BRIP1: variants seen among roughly 807,000 people sequenced by gnomAD.
BRIP1 encodes the protein BRCA1 interacting DNA helicase 1.
BRIP1 carries 88 observed loss-of-function variants against 119.7 expected under a neutral mutation model. The observed-to-expected ratio is 0.74, with a 90% CI of 0.62 to 0.88. The LOEUF (loss-of-function observed/expected upper bound fraction) is 0.88. BRIP1 is among the 40% of genes least tolerant of loss of function. The pLI, the probability that BRIP1 is intolerant of heterozygous loss-of-function variation, is 0.00. For missense variants in BRIP1, 1,259 were observed against 1,455.4 expected (o/e 0.87, Z 2.20); for synonymous variants, 443 against 496.5 (o/e 0.89, Z 1.43).
rs564507018 is a variant in BRIP1, at chr17:61,860,176, A to T, written c.94-269T>A. Among the ~76,000 whole-genome samples the T allele has an allele frequency of 6.6e-6, 1 of 152,338 alleles. No homozygotes were observed. The stretch of plus-strand genomic sequence containing the variant: ...ATGCAAGCATCAATGATTTCTGTAA[A>T]ACCAGAATACATTACTACCTATCAA... On this transcript the variant is annotated intron_variant, in intron 2 of 19. Coordinates refer to ENST00000259008, the MANE Select transcript of BRIP1 (RefSeq NM_032043.3). This position sits in a 1 kb window ranked among gnomAD's most constrained non-coding sequence, Gnocchi z 4.1.
In BRIP1 at chr17:61,713,137, T is replaced by C. The variant is rs2061805163; in HGVS notation, c.2492+2814A>G. On this transcript the variant is annotated intron_variant, in intron 17 of 19. Coordinates refer to ENST00000259008, the MANE Select transcript of BRIP1 (RefSeq NM_032043.3). This position sits in a 1 kb window ranked among gnomAD's most constrained non-coding sequence, Gnocchi z 4.9. ...TTATAGCACAATGCATTACAAGTGC[T>C]TGTGGCGATGCTGGTGTAAACAAAC... 6.6e-6 allele frequency among the ~76,000 whole-genome samples: 1 copy of C among 152,178 alleles called. No individual in the cohort carries two copies. Among genetic ancestry groups the C allele is most frequent in the Admixed American group, 6.5e-5 (1 of 15,270 alleles).
rs2077191966 is a variant in BRIP1, at chr17:61,755,713, C to G, written c.2098-11122G>C. Among the ~76,000 whole-genome samples, 1 of 152,152 alleles carries G rather than the reference C, an allele frequency of 6.6e-6. No homozygotes were observed. The highest frequency in any genetic ancestry group is 2.4e-5 in the African/African-American group (1 of 41,434). ...TTCTCTTGGTGAGACTTTGTTCATT[C>G]ATTCCTTCCTCCCTTCCTTTCTTCT... is the stretch of plus-strand genomic sequence containing the variant. On this transcript the variant is annotated intron_variant, in intron 14 of 19. Transcript: ENST00000259008. This position sits in a 1 kb window ranked among gnomAD's most constrained non-coding sequence, Gnocchi z 4.5.
chr17:61,828,652 C>T lies in BRIP1; in HGVS notation c.627+18449G>A, dbSNP rs371018852. ...GCTCTTTAAGCTAATAGAAAAGTTA[C>T]ACAATACAGAAACTTGGACCTACAA... On this transcript the variant is annotated intron_variant, in intron 6 of 19. Transcript: ENST00000259008. The surrounding 1 kb of genome is among the most constrained non-coding windows in gnomAD (Gnocchi z 4.1). 1.3e-5 allele frequency among the ~76,000 whole-genome samples: 2 copies of T among 152,164 alleles called. No homozygotes were observed. The highest frequency in any genetic ancestry group is 3.9e-4 in the East Asian group (2 of 5,182).
At position 61,847,151 on chromosome 17, in the gene BRIP1, C is replaced by T. The variant is rs4988346; in HGVS notation, c.577G>A (p.Val193Ile). The T allele has an allele frequency of 4.0e-3, 6,376 of 1,613,630 alleles. 35 individuals carry two copies. Among genetic ancestry groups the T allele is most frequent in the Middle Eastern group, 9.4e-3 (57 of 6,054 alleles). Residue 193 changes from valine to isoleucine, a missense_variant, in exon 6 of 20, where the codon GTA becomes ATA. Val to Ile is a conservative substitution (Grantham distance 29). Around this residue, in one of 3 missense-constraint regions of BRIP1, gnomAD observed 501 missense variants for 544.0 expected, o/e 0.92. Coordinates refer to ENST00000259008, the MANE Select transcript of BRIP1 (RefSeq NM_032043.3). ...LDAKVDSGKT[V>I]KLNSPLEKIN... ...TTTTCCAGTGGAGAGTTGAGTTTTA[C>T]AGTCTTTCCTGAATCAACTTTTGCA...
At chr17:61,858,225 T>G (rs1446775314) in intron 3 of BRIP1, among the ~76,000 whole-genome samples, 1 of 152,156 alleles carries the variant, frequency 6.6e-6, no homozygotes, top group Non-Finnish European at 1.5e-5. Context: ...TTGACATTGT[T>G]TTCCCATTTG....
chr17:61,704,506 G>A lies in BRIP1; in HGVS notation c.2493-10994C>T, dbSNP rs2061662377. Among the ~76,000 whole-genome samples the A allele has an allele frequency of 1.3e-5, 2 of 151,846 alleles. No individual in the cohort carries two copies. Among genetic ancestry groups the A allele is most frequent in the African/African-American group, 4.8e-5 (2 of 41,352 alleles). ...TTGGCCTCATAAAATAAATTGAGAA[G>A]GATTACATCTTCTATTTTTTAGAAG... On this transcript the variant is annotated intron_variant, in intron 17 of 19. Transcript: ENST00000259008. The surrounding 1 kb of genome is among the most constrained non-coding windows in gnomAD (Gnocchi z 5.7).
At position 61,824,503 on chromosome 17, in the gene BRIP1, A is replaced by C. The variant is rs1603352622; in HGVS notation, c.628-15746T>G. The stretch of plus-strand genomic sequence containing the variant: ...AACAGAATAGAAATTCCAAAAGCAA[A>C]CCCCCACATATATGGTCAAATAATT... On this transcript the variant is annotated intron_variant, in intron 6 of 19. Transcript: ENST00000259008. This position sits in a 1 kb window ranked among gnomAD's most constrained non-coding sequence, Gnocchi z 4.3. 6.6e-6 allele frequency among the ~76,000 whole-genome samples: 1 copy of C among 152,078 alleles called. No individual in the cohort carries two copies. Among genetic ancestry groups the C allele is most frequent in the African/African-American group, 2.4e-5 (1 of 41,416 alleles).
rs771367982 is a variant in BRIP1 at position 61,727,798 on chromosome 17, A to C, written c.2380-11735T>G. 1.1e-3 allele frequency among the ~76,000 whole-genome samples: 172 copies of C among 150,152 alleles called. 1 individual carries two copies. The highest frequency in any genetic ancestry group is 3.0e-3 in the South Asian group (14 of 4,700). On this transcript the variant is annotated intron_variant, in intron 16 of 19. Transcript: ENST00000259008. ...TCTCTCTCTCTCTCTCTCTATATATATATATATAATCTTTCAAACATGAGC... is the reference window on the plus strand; with the variant it reads ...TCTCTCTCTCTCTCTCTCTATATATCTATATATAATCTTTCAAACATGAGC...
At position 61,693,923 on chromosome 17, in the gene BRIP1, A is replaced by G. The variant is rs529495590; in HGVS notation, c.2493-411T>C. On this transcript the variant is annotated intron_variant, in intron 17 of 19. Transcript: ENST00000259008. The surrounding 1 kb of genome is among the most constrained non-coding windows in gnomAD (Gnocchi z 4.2). ...TTTGTCAAAAATATTCTAAAATTCA[A>G]TTGACATAACATGTAGTTTTTCTTC... 4.3e-4 allele frequency among the ~76,000 whole-genome samples: 66 copies of G among 152,250 alleles called. No homozygotes were observed. Among genetic ancestry groups the G allele is most frequent in the African/African-American group, 1.6e-3 (65 of 41,578 alleles).
intron 3 of BRIP1, 126 bp downstream of exon 3, chr17:61,859,670 A>C: frequency 1.4e-6 from 1 of 698,652 alleles, no homozygotes; most frequent in Non-Finnish European, 2.6e-6. Context: ...ACTTATTTCA[A>C]AGAAACATCT....
At position 61,720,928 on chromosome 17, in the gene BRIP1, C is replaced by T. The variant is rs1197317049; in HGVS notation, c.2380-4865G>A. ...ACATGATCTTGGCTCACTGCAACCT[C>T]CGCCTCCCAGGTTCAAGCAGTTCTC... On this transcript the variant is annotated intron_variant, in intron 16 of 19. Transcript: ENST00000259008. The surrounding 1 kb of genome is among the most constrained non-coding windows in gnomAD (Gnocchi z 4.3). 1.3e-5 allele frequency among the ~76,000 whole-genome samples: 2 copies of T among 152,102 alleles called. No individual in the cohort carries two copies. Among genetic ancestry groups the T allele is most frequent in the African/African-American group, 2.4e-5 (1 of 41,414 alleles).
rs876659379 is a variant in BRIP1 at position 61,808,679 on chromosome 17, CCTT to C, written c.703_705del (p.Lys235del). On this transcript the variant is annotated inframe_deletion, in exon 7 of 20. Coordinates refer to ENST00000259008, the MANE Select transcript of BRIP1 (RefSeq NM_032043.3). The surrounding 1 kb of genome is among the most constrained non-coding windows in gnomAD (Gnocchi z 4.1). Reference sequence around the variant, plus strand: ...GGTATCTTGGATTTCCCTGTATGATCCTTCTTAATGGTATTCGATGACTCTTGA... The same window carrying C: ...GGTATCTTGGATTTCCCTGTATGATCCTTAATGGTATTCGATGACTCTTGA... The C allele has an allele frequency of 5.6e-6, 9 of 1,613,732 alleles. No individual in the cohort carries two copies. Among genetic ancestry groups the C allele is most frequent in the Non-Finnish European group, 7.6e-6 (9 of 1,179,828 alleles).
Position 61,682,361 on chromosome 17 carries a change from T to A in BRIP1, c.*935A>T, listed in dbSNP as rs984786105. Reference sequence around the variant, plus strand: ...ATATAATACTAAGCAGGATCTAGTATTTTTTTCCACAATGATGGTGAAGCT... The same window carrying A: ...ATATAATACTAAGCAGGATCTAGTAATTTTTTCCACAATGATGGTGAAGCT... On this transcript the variant is annotated 3_prime_UTR_variant, in exon 20 of 20. Coordinates refer to ENST00000259008, the MANE Select transcript of BRIP1 (RefSeq NM_032043.3). The surrounding 1 kb of genome is among the most constrained non-coding windows in gnomAD (Gnocchi z 4.9). The A allele has an allele frequency of 4.9e-6, 1 of 204,316 alleles. No homozygotes were observed. The highest frequency in any genetic ancestry group is 6.0e-5 in the Admixed American group (1 of 16,806). The allele number at this position is 204,316 out of a possible 1,614,324, so 12.7% of individuals were successfully genotyped here.
intron 17 of BRIP1, among the ~76,000 whole-genome samples, chr17:61,697,763 GATT>G (rs1374185271): frequency 6.6e-6 from 1 of 151,286 alleles, no homozygotes; most frequent in Non-Finnish European, 1.5e-5. Context: ...AGGAAGGTTA[GATT>G]ATTGATTCCA....
chr17:61,716,168 GATTTT>G (rs1178979534), intron 16 of BRIP1, 105 bp from the exon 17 acceptor site: 23 of 737,886 alleles, frequency 3.1e-5, no homozygotes, highest in Admixed American at 6.1e-5. Flanking sequence ...TTAGGGTAGA[GATTTT>G]ATTTTGTTTT....
Position 61,705,097 on chromosome 17 carries a change from T to C in BRIP1, c.2492+10854A>G, listed in dbSNP as rs1202993329. Among the ~76,000 whole-genome samples, 1 of 152,134 alleles carries C rather than the reference T, an allele frequency of 6.6e-6. No individual in the cohort carries two copies. Among genetic ancestry groups the C allele is most frequent in the Non-Finnish European group, 1.5e-5 (1 of 67,988 alleles). On this transcript the variant is annotated intron_variant, in intron 17 of 19. Coordinates refer to ENST00000259008, the MANE Select transcript of BRIP1 (RefSeq NM_032043.3). This position sits in a 1 kb window ranked among gnomAD's most constrained non-coding sequence, Gnocchi z 5.0. Reference sequence around the variant, plus strand: ...ACCCTTGCTTCCCTCCTTCTCTGCCTCCACTTACATTCATTCCCTAGTGTC... The same window carrying C: ...ACCCTTGCTTCCCTCCTTCTCTGCCCCCACTTACATTCATTCCCTAGTGTC...
rs547835322 is a variant in BRIP1 at position 61,799,058 on chromosome 17, T to C, written c.1340+42A>G. 3 of 1,555,214 alleles carry C rather than the reference T, an allele frequency of 1.9e-6. No individual in the cohort carries two copies. The highest frequency in any genetic ancestry group is 1.7e-4 in the Middle Eastern group (1 of 5,938). ...CTGGCATAATCAAACATATTTTTCA[T>C]ATAAAGGCAGCACAAATACACTAAT... On this transcript the variant is annotated intron_variant, in intron 9 of 19. Transcript: ENST00000259008. This position sits in a 1 kb window ranked among gnomAD's most constrained non-coding sequence, Gnocchi z 5.1.
In BRIP1 at chr17:61,784,313, C is replaced by A; in HGVS notation, c.1585G>T (p.Gly529Ter). 3 of 1,613,368 alleles carry A rather than the reference C, an allele frequency of 1.9e-6. No individual in the cohort carries two copies. The highest frequency in any genetic ancestry group is 1.3e-5 in the African/African-American group (1 of 75,000). ...AGATAGTCAAGTACCATAAAAAGTC[C>A]TTTAAGCATTATTTGAGTTGATGCA... is the stretch of plus-strand genomic sequence containing the variant. ...ISASTQIMLKGLFMVLDYLFR... is the reference protein window; with the variant it reads ...ISASTQIMLK The change falls in exon 11 of 20, where the codon GGA becomes TGA. Residue 529 changes from glycine (G) to a stop codon, truncating the protein, a stop_gained. Coordinates refer to ENST00000259008, the MANE Select transcript of BRIP1 (RefSeq NM_032043.3). LOFTEE classifies it high-confidence loss of function.
At chr17:61,849,031 C>T (rs2145758655) in intron 5 of BRIP1, 98 bp downstream of exon 5, 5 of 1,317,384 alleles carry the variant, frequency 3.8e-6, no homozygotes, top group Non-Finnish European at 5.4e-6. Context: ...TGTCACATGA[C>T]CCAACTAATC....
Sources: gnomAD v4.1 joint callset for allele counts (sites outside exome capture counted in the v4.1 genomes callset) on GRCh38, gnomAD v4.1.1 for gene constraint, gnomAD v4.1.1 regional missense constraint, Gnocchi (gnomAD v3.1) non-coding constraint, MANE v1.5 for transcripts, NCBI Gene and HGNC (gene_info 2026-07-23, HGNC 2026-07-21) for gene names.